Variants in FRMPD4 observed in about 807,000 individuals in gnomAD.
FRMPD4 encodes FERM and PDZ domain-containing protein 4.
FRMPD4 carries 22 observed loss-of-function variants against 94.1 expected under a neutral mutation model. The observed-to-expected ratio is 0.23, with a 90% confidence interval of 0.17 to 0.33. FRMPD4 has a LOEUF of 0.33. FRMPD4 is among the 10% of genes least tolerant of loss of function. The probability of loss-of-function intolerance (pLI) is 1.00; values close to 1 mark genes in which losing one functional copy is unlikely to be tolerated. For synonymous variants in FRMPD4, 631 were observed against 548.6 expected, an observed-to-expected ratio of 1.15 and a Z score of -2.10; for missense variants, 1,111 against 1,339.9, an observed-to-expected ratio of 0.83 and a Z score of 2.67.
chrX:12,139,022 G>A lies in FRMPD4; in HGVS notation c.41+10G>A. ...TTGCAAAGCTTTCGAGGTAGGGGCT[G>A]CGCGGGTTCCGTTTGCACCCAGGGC... On this transcript the variant is annotated intron_variant, in intron 1 of 16. Coordinates refer to ENST00000675598, the MANE Select transcript of FRMPD4 (RefSeq NM_001368397.1). 8.7e-7 allele frequency: 1 copy of A among 1,149,191 alleles called. No individual in the cohort carries two copies. Among genetic ancestry groups the A allele is most frequent in the Non-Finnish European group, 1.2e-6 (1 of 862,437 alleles). 94.7% of individuals were successfully genotyped at this position (1,149,191 alleles called of 1,213,427 possible).
intron 3 of FRMPD4, among the ~76,000 whole-genome samples, chrX:11,987,098 T>TAAAAAAAAAAAAA (rs35377550): frequency 1.4e-4 from 3 of 21,843 alleles, no homozygotes; most frequent in Non-Finnish European, 1.4e-4. Context: ...AAAGACACAT[T>TAAAAAAAAAAAAA]AAAAAAAAAA....
At chrX:12,302,133 C>T (rs1303792292) in intron 1 of FRMPD4, among the ~76,000 whole-genome samples, 2 of 111,931 alleles carry the variant, frequency 1.8e-5, no homozygotes, top group Admixed American at 1.9e-4. Flanking sequence ...TGGCTTCTGG[C>T]GGGAGAAGGT....
At chrX:12,037,603 CA>C (rs1314790105) in intron 3 of FRMPD4, among the ~76,000 whole-genome samples, 2 of 110,490 alleles carry the variant, frequency 1.8e-5, no homozygotes, top group Admixed American at 9.7e-5. Flanking sequence ...ATTTTAGGTT[CA>C]GGGGTACATG....
At chrX:11,889,684 G>A (rs758386584) in intron 3 of FRMPD4, among the ~76,000 whole-genome samples, 4 of 112,068 alleles carry the variant, frequency 3.6e-5, no homozygotes, top group Non-Finnish European at 7.5e-5. Flanking sequence ...GTTCAGCAGT[G>A]TGGTTCATTT....
rs188975512 is a variant in FRMPD4, at chrX:12,079,352, A to G, written c.95+201334A>G. On this transcript the variant is annotated intron_variant, in intron 3 of 18. Transcript: ENST00000640291. The stretch of plus-strand genomic sequence containing the variant: ...TAGTTGAAATATCTATTTACCATTG[A>G]CAGTCTCAGGACATTTAACTAAAAA... 8.1e-3 allele frequency among the ~76,000 whole-genome samples: 892 copies of G among 110,747 alleles called. 4 individuals carry two copies. Among genetic ancestry groups the G allele is most frequent in the African/African-American group, 0.028 (849 of 30,442 alleles).
At chrX:12,134,328 G>C (rs1433514204), upstream of FRMPD4, among the ~76,000 whole-genome samples, 1 of 112,224 alleles carries the variant, frequency 8.9e-6, no homozygotes, top group African/African-American at 3.2e-5. Context: ...CTCTTCATAA[G>C]TTCTATGAGA....
chrX:12,362,633 C>G (rs1278237922), intron 1 of FRMPD4, among the ~76,000 whole-genome samples: 1 of 111,341 alleles, frequency 9.0e-6, no homozygotes, highest in Non-Finnish European at 1.9e-5. Context: ...GGTTCCAAGT[C>G]TTTGCTATTG....
chrX:12,444,763 C>G (rs1038257636), intron 1 of FRMPD4, among the ~76,000 whole-genome samples: 2 of 111,250 alleles, frequency 1.8e-5, no homozygotes, highest in Non-Finnish European at 3.8e-5. Flanking sequence ...GCCAAACTTG[C>G]TTTTATAACA....
At chrX:12,290,823 A>G (rs2054674733) in intron 1 of FRMPD4, among the ~76,000 whole-genome samples, 1 of 109,157 alleles carries the variant, frequency 9.2e-6, no homozygotes, top group Admixed American at 9.9e-5. Flanking sequence ...ACATGTGCAT[A>G]CATATAGGTG....
At chrX:12,227,636 A>C (rs2056936368) in intron 1 of FRMPD4, among the ~76,000 whole-genome samples, 1 of 111,236 alleles carries the variant, frequency 9.0e-6, no homozygotes, top group Non-Finnish European at 1.9e-5. Flanking sequence ...CCCTATCTCT[A>C]CAAAAAATAA....
intron 1 of FRMPD4, among the ~76,000 whole-genome samples, chrX:12,496,925 G>A (rs1437718019): frequency 9.0e-6 from 1 of 111,436 alleles, no homozygotes; most frequent in Admixed American, 9.5e-5. Flanking sequence ...TGAACATACT[G>A]TACAGGAAAA....
intron 1 of FRMPD4, among the ~76,000 whole-genome samples, chrX:12,396,908 G>T (rs1385009808): frequency 8.9e-6 from 1 of 111,785 alleles, no homozygotes; most frequent in East Asian, 2.8e-4. Flanking sequence ...TATATTTGGT[G>T]ATTTATTTTC....
chrX:12,067,825 C>T (rs5935231), intron 3 of FRMPD4, among the ~76,000 whole-genome samples: 1,442 of 112,303 alleles, frequency 0.013, 7 homozygotes, highest in South Asian at 0.019. Flanking sequence ...ATCTTTTCCC[C>T]TATTTTCACA....
chrX:12,297,960 G>A (rs2054798408), intron 1 of FRMPD4, among the ~76,000 whole-genome samples: 1 of 110,998 alleles, frequency 9.0e-6, no homozygotes, highest in South Asian at 3.9e-4. Flanking sequence ...TGGGGAAAGG[G>A]TAGCTTAATG....
At chrX:11,853,659 C>A (rs1188072446) in intron 1 of FRMPD4, among the ~76,000 whole-genome samples, 1 of 111,009 alleles carries the variant, frequency 9.0e-6, no homozygotes, top group African/African-American at 3.3e-5. Flanking sequence ...ACACTTACAC[C>A]CTCCCAATAA....
intron 2 of FRMPD4, among the ~76,000 whole-genome samples, chrX:12,570,189 C>T (rs747004384): frequency 2.8e-4 from 32 of 112,429 alleles, no homozygotes; most frequent in Admixed American, 2.5e-3. Context: ...CAAGGCATCT[C>T]CTGTAATTCC....
intron 3 of FRMPD4, among the ~76,000 whole-genome samples, chrX:12,009,953 A>G (rs2054573101): frequency 8.9e-6 from 1 of 112,142 alleles, no homozygotes; most frequent in African/African-American, 3.2e-5. Flanking sequence ...ACTGGTTCTC[A>G]TAAAAATAGT....
intron 3 of FRMPD4, among the ~76,000 whole-genome samples, chrX:12,040,621 GTGATCTCTGCTCAC>G (rs1343736965): frequency 2.3e-5 from 2 of 86,103 alleles, no homozygotes; most frequent in Non-Finnish European, 4.3e-5. Context: ...GTGCAATGGT[GTGATCTCTGCTCAC>G]TGCAACCTCA....
At chrX:12,024,994 A>C (rs1248477509) in intron 3 of FRMPD4, among the ~76,000 whole-genome samples, 3 of 111,700 alleles carry the variant, frequency 2.7e-5, no homozygotes, top group Non-Finnish European at 3.8e-5. Flanking sequence ...CACTGTCTGC[A>C]TCTTATTCTG....
Sources: allele counts gnomAD v4.1 joint callset (sites outside exome capture counted in the v4.1 genomes callset), GRCh38; gene constraint gnomAD v4.1.1; transcripts MANE v1.5; gene names NCBI Gene and HGNC (gene_info 2026-07-23, HGNC 2026-07-21).